Variants in LAMA2 observed in about 807,000 individuals in gnomAD.
The protein encoded by LAMA2 is laminin subunit alpha-2.
A neutral mutation model predicts 364.8 loss-of-function variants in LAMA2; 269 were observed. The ratio of observed to expected loss-of-function variants is 0.74; its 90% CI spans 0.67 to 0.82. LAMA2 has a LOEUF of 0.82. LAMA2 is among the 40% of genes least tolerant of loss of function. LAMA2 has a pLI of 0.00. For missense variants in LAMA2, 3,807 were observed against 3,873.2 expected, an observed-to-expected ratio of 0.98 and a Z score of 0.45; for synonymous variants, 1,379 against 1,370.6, an observed-to-expected ratio of 1.01 and a Z score of -0.14.
chr6:129,405,732 T>C (rs183250451), intron 40 of LAMA2, among the ~76,000 whole-genome samples: 1 of 152,266 alleles, frequency 6.6e-6, no homozygotes, highest in Non-Finnish European at 1.5e-5. Context: ...TATAATATAG[T>C]TCTACTTTGC....
chr6:129,232,159 A>G (rs1003891066), intron 12 of LAMA2, among the ~76,000 whole-genome samples: 1 of 152,100 alleles, frequency 6.6e-6, no homozygotes, highest in Non-Finnish European at 1.5e-5. Flanking sequence ...CATATGTACA[A>G]TATGGTCCTA....
rs774063641 is a variant in LAMA2, at chr6:129,481,443, C to T, written c.7749+4C>T. 5.6e-6 allele frequency: 9 copies of T among 1,609,582 alleles called. No individual in the cohort carries two copies. In the South Asian group the frequency reaches 6.6e-5, roughly 12 times the overall value. On this transcript the variant is annotated splice_donor_region_variant and intron_variant, in intron 55 of 64. Transcript: ENST00000421865. Reference sequence around the variant, plus strand: ...AAAACGAAGGCAGACTGGACAGGTACCCTCACACCTAGCTGATAATGCATT... The same window carrying T: ...AAAACGAAGGCAGACTGGACAGGTATCCTCACACCTAGCTGATAATGCATT...
rs1048127378 is a variant in LAMA2, at chr6:129,503,028, C to T, written c.8358-63C>T. ...AAAATGCAGCCACGATCTGATACCG[C>T]TCTATTTTAGCATGAGAATGCTGTT... On this transcript the variant is annotated intron_variant, in intron 59 of 64. Coordinates refer to ENST00000421865, the MANE Select transcript of LAMA2 (RefSeq NM_000426.4). 7.6e-6 allele frequency: 11 copies of T among 1,439,028 alleles called. No individual in the cohort carries two copies. The African/African-American group carries it at 1.5e-4, about 20-fold the overall frequency. The allele number at this position is 1,439,028 out of a possible 1,614,324, so 89.1% of individuals were successfully genotyped here.
chr6:129,515,191 T>C (rs13208666), intron 64 of LAMA2, among the ~76,000 whole-genome samples: 61,320 of 152,012 alleles, frequency 0.4, 13,511 homozygotes, highest in East Asian at 0.56. Context: ...GCCAAGTGCC[T>C]CTTAATAAGT....
chr6:129,367,059 CACATG>C (rs1330502914), intron 33 of LAMA2, among the ~76,000 whole-genome samples: 1 of 152,204 alleles, frequency 6.6e-6, no homozygotes. Context: ...AAAATGAAAA[CACATG>C]ATTAGAATCT....
intron 16 of LAMA2, among the ~76,000 whole-genome samples, chr6:129,268,875 A>G (rs1279481463): frequency 6.6e-6 from 1 of 152,054 alleles, no homozygotes; most frequent in African/African-American, 2.4e-5. Context: ...CCAAAATTGT[A>G]TTGATAACTA....
At chr6:129,100,925 A>AT (rs1462329494) in intron 4 of LAMA2, among the ~76,000 whole-genome samples, 2 of 152,230 alleles carry the variant, frequency 1.3e-5, no homozygotes, top group Non-Finnish European at 2.9e-5. Flanking sequence ...TTTGGCTATC[A>AT]TACAACATTT....
At chr6:128,889,083 T>C (rs1254914788) in intron 1 of LAMA2, among the ~76,000 whole-genome samples, 1 of 152,156 alleles carries the variant, frequency 6.6e-6, no homozygotes, top group Non-Finnish European at 1.5e-5. Flanking sequence ...TATCAGTACC[T>C]CAGAAACAAT....
At chr6:129,503,892 G>T (rs1477470683) in intron 60 of LAMA2, among the ~76,000 whole-genome samples, 8 of 152,150 alleles carry the variant, frequency 5.3e-5, no homozygotes, top group African/African-American at 9.7e-5. Flanking sequence ...CTTACACCCA[G>T]AAACTGGTAC....
chr6:129,114,091 G>A (rs1157565545), intron 4 of LAMA2, among the ~76,000 whole-genome samples: 3 of 151,912 alleles, frequency 2.0e-5, no homozygotes, highest in African/African-American at 7.3e-5. Context: ...TAAAGAAATA[G>A]CATCTTCAGG....
chr6:128,914,333 A>G (rs1778169730), intron 1 of LAMA2, among the ~76,000 whole-genome samples: 2 of 152,172 alleles, frequency 1.3e-5, no homozygotes, highest in Non-Finnish European at 2.9e-5. Context: ...AGGTGAATGT[A>G]ATTTTGCACT....
chr6:129,123,446 G>A (rs1776925124), intron 4 of LAMA2, among the ~76,000 whole-genome samples: 1 of 151,734 alleles, frequency 6.6e-6, no homozygotes, highest in Admixed American at 6.6e-5. Context: ...ATTCATTTTA[G>A]CATTATTCAC....
chr6:129,468,651 A>G (rs1175543620), intron 51 of LAMA2, among the ~76,000 whole-genome samples: 1 of 151,964 alleles, frequency 6.6e-6, no homozygotes, highest in Non-Finnish European at 1.5e-5. Flanking sequence ...AGCAATATCC[A>G]AAGATCACAC....
chr6:128,937,665 A>C (rs1306100618), intron 1 of LAMA2, among the ~76,000 whole-genome samples: 1 of 151,714 alleles, frequency 6.6e-6, no homozygotes, highest in East Asian at 1.9e-4. Flanking sequence ...AATTTTATTT[A>C]GTTGAATCCT....
intron 9 of LAMA2, among the ~76,000 whole-genome samples, chr6:129,174,159 C>G (rs1780408601): frequency 6.6e-6 from 1 of 151,854 alleles, no homozygotes; most frequent in Non-Finnish European, 1.5e-5. Flanking sequence ...GCTTTATAAT[C>G]CTAGAACTCT....
chr6:128,955,557 A>G lies in LAMA2; in HGVS notation c.112+72200A>G, dbSNP rs541351958. ...AACTGAGAATATTTTTAAAAATAGA[A>G]TAAAATGTCATAGAAAAAAATCACA... On this transcript the variant is annotated intron_variant, in intron 1 of 64. Transcript: ENST00000421865. Among the ~76,000 whole-genome samples the G allele has an allele frequency of 1.1e-4, 16 of 152,112 alleles. No homozygotes were observed. The East Asian group carries it at 3.1e-3, about 29-fold the overall frequency.
At chr6:129,323,190 T>G (rs949737050) in intron 28 of LAMA2, among the ~76,000 whole-genome samples, 1 of 152,152 alleles carries the variant, frequency 6.6e-6, no homozygotes, top group African/African-American at 2.4e-5. Context: ...GCATAAAATC[T>G]TATCATCAAA....
At chr6:129,385,042 A>G (rs1300670762) in intron 35 of LAMA2, among the ~76,000 whole-genome samples, 1 of 99,522 alleles carries the variant, frequency 1.0e-5, no homozygotes, top group African/African-American at 4.0e-5. Flanking sequence ...AGAAAAAAAG[A>G]GAAAGTGGGG....
At chr6:129,403,743 G>A in intron 39 of LAMA2, 78 bp from the exon 40 acceptor site, 1 of 1,366,834 alleles carries the variant, frequency 7.3e-7, no homozygotes, top group South Asian at 1.2e-5. Flanking sequence ...TTGGAAGCCA[G>A]ATTTCATATA....
Sources: allele counts gnomAD v4.1 joint callset (sites outside exome capture counted in the v4.1 genomes callset), GRCh38; gene constraint gnomAD v4.1.1; transcripts MANE v1.5; gene names NCBI Gene and HGNC (gene_info 2026-07-23, HGNC 2026-07-21).